Variants in NPAS3 observed in about 807,000 individuals in gnomAD.
The protein encoded by NPAS3 is neuronal PAS domain protein 3, also known as neuronal PAS domain-containing protein 3.
In NPAS3, 14 loss-of-function variants were observed where a neutral mutation model predicts 73.1. That is an observed-to-expected ratio of 0.19 (90% CI 0.13 to 0.30). NPAS3 has a LOEUF of 0.30. Ranked by LOEUF, NPAS3 falls within the 10% of genes least tolerant of loss-of-function variation. NPAS3 has a pLI of 1.00. For missense variants in NPAS3, 1,096 were observed against 1,250.0 expected (o/e 0.88, Z 1.86); for synonymous variants, 620 against 541.5 (o/e 1.14, Z -2.01).
At chr14:33,509,991 T>C (rs1282785786) in intron 4 of NPAS3, among the ~76,000 whole-genome samples, 1 of 151,990 alleles carries the variant, frequency 6.6e-6, no homozygotes, top group African/African-American at 2.4e-5. Context: ...CCTGAACCTA[T>C]GTGCATGCAC....
At chr14:33,011,827 T>C (rs2039208008) in intron 1 of NPAS3, among the ~76,000 whole-genome samples, 1 of 152,200 alleles carries the variant, frequency 6.6e-6, no homozygotes, top group African/African-American at 2.4e-5. Context: ...GCTGTGAGAA[T>C]TGAGATGGGC....
intron 2 of NPAS3, among the ~76,000 whole-genome samples, chr14:33,094,113 A>AT (rs1236108285): frequency 8.5e-6 from 1 of 118,064 alleles, no homozygotes; most frequent in Non-Finnish European, 1.7e-5. Context: ...AACTTAAAGT[A>AT]TAAAAAAAAA....
At chr14:33,301,931 A>C (rs1470802242) in intron 3 of NPAS3, among the ~76,000 whole-genome samples, 1 of 152,210 alleles carries the variant, frequency 6.6e-6, no homozygotes, top group Non-Finnish European at 1.5e-5. Context: ...GAAACAGGCC[A>C]ACAGTAGTTG....
At chr14:33,478,050 GGCAACACTC>G (rs2051129049) in intron 4 of NPAS3, among the ~76,000 whole-genome samples, 1 of 152,130 alleles carries the variant, frequency 6.6e-6, no homozygotes, top group Non-Finnish European at 1.5e-5. Flanking sequence ...TGGGGGAACT[GGCAACACTC>G]GCATGCCCTC....
intron 4 of NPAS3, among the ~76,000 whole-genome samples, chr14:33,472,036 C>A (rs72680181): frequency 0.11 from 16,526 of 152,202 alleles, 1,147 homozygotes; most frequent in East Asian, 0.23. Flanking sequence ...CCCTCTCTGC[C>A]CTCATGGAGC....
chr14:33,603,229 T>C (rs151238495), intron 5 of NPAS3, among the ~76,000 whole-genome samples: 11 of 152,240 alleles, frequency 7.2e-5, no homozygotes, highest in African/African-American at 2.6e-4. Context: ...GGATTAACAG[T>C]GAATTAGACA....
At chr14:33,004,874 C>T (rs143584895) in intron 1 of NPAS3, among the ~76,000 whole-genome samples, 1 of 104,440 alleles carries the variant, frequency 9.6e-6, no homozygotes, top group East Asian at 3.2e-4. Flanking sequence ...AAGACACAAA[C>T]CTTCACATTA....
At chr14:33,585,402 A>G (rs1275109390) in intron 5 of NPAS3, among the ~76,000 whole-genome samples, 1 of 152,224 alleles carries the variant, frequency 6.6e-6, no homozygotes, top group Admixed American at 6.5e-5. Flanking sequence ...TCTGGGTCCC[A>G]TATCCTGCCT....
intron 4 of NPAS3, among the ~76,000 whole-genome samples, chr14:33,497,439 C>G (rs1051175347): frequency 6.6e-6 from 1 of 152,108 alleles, no homozygotes; most frequent in Non-Finnish European, 1.5e-5. Flanking sequence ...TGCTACCTGA[C>G]TTCAAACTAT....
chr14:33,685,288 G>A (rs1334840078), intron 6 of NPAS3, among the ~76,000 whole-genome samples: 1 of 152,168 alleles, frequency 6.6e-6, no homozygotes, highest in Non-Finnish European at 1.5e-5. Context: ...AGCACACACT[G>A]CCGCTGCTAG....
chr14:33,344,080 G>T (rs1225561001), intron 3 of NPAS3, among the ~76,000 whole-genome samples: 1 of 152,144 alleles, frequency 6.6e-6, no homozygotes, highest in Admixed American at 6.5e-5. Context: ...AATATGGGGG[G>T]ATGAAATTAG....
chr14:33,423,664 T>G (rs1287236506), intron 4 of NPAS3, among the ~76,000 whole-genome samples: 1 of 151,960 alleles, frequency 6.6e-6, no homozygotes, highest in African/African-American at 2.4e-5. Flanking sequence ...AGTGAGAGAT[T>G]CATTGGGAAC....
chr14:33,198,011 AGACCT>A (rs2046440872), intron 2 of NPAS3, among the ~76,000 whole-genome samples: 1 of 152,142 alleles, frequency 6.6e-6, no homozygotes, highest in Non-Finnish European at 1.5e-5. Flanking sequence ...GTGAAGCTGC[AGACCT>A]TCACGGTGAG....
chr14:33,084,088 G>A (rs2041946866), intron 2 of NPAS3, among the ~76,000 whole-genome samples: 1 of 152,196 alleles, frequency 6.6e-6, no homozygotes, highest in African/African-American at 2.4e-5. Flanking sequence ...ATATCAAAAA[G>A]AGTGGGGTCT....
intron 4 of NPAS3, among the ~76,000 whole-genome samples, chr14:33,557,346 A>C (rs2055406447): frequency 6.6e-6 from 1 of 152,180 alleles, no homozygotes; most frequent in Non-Finnish European, 1.5e-5. Flanking sequence ...CTGTGGAAGT[A>C]ACTTAAGTAA....
At chr14:33,090,057 A>G (rs1257477882) in intron 2 of NPAS3, among the ~76,000 whole-genome samples, 1 of 152,244 alleles carries the variant, frequency 6.6e-6, no homozygotes, top group Non-Finnish European at 1.5e-5. Flanking sequence ...TCAAAATGTA[A>G]AGACCATCGA....
chr14:33,184,127 T>C (rs1050863677), intron 2 of NPAS3, among the ~76,000 whole-genome samples: 1 of 152,116 alleles, frequency 6.6e-6, no homozygotes, highest in African/African-American at 2.4e-5. Flanking sequence ...AGGAACGAAG[T>C]CAAACACGCA....
At chr14:33,094,853 C>A (rs2042352031) in intron 2 of NPAS3, among the ~76,000 whole-genome samples, 1 of 152,168 alleles carries the variant, frequency 6.6e-6, no homozygotes, top group Non-Finnish European at 1.5e-5. Context: ...ATTTTGAACA[C>A]CTCCAAAACT....
intron 1 of NPAS3, among the ~76,000 whole-genome samples, chr14:32,991,415 C>T (rs1312994132): frequency 6.6e-6 from 1 of 152,108 alleles, no homozygotes; most frequent in Non-Finnish European, 1.5e-5. Context: ...GCTTTCTGTC[C>T]ATTGGCCATA....
Sources: allele counts gnomAD v4.1 joint callset (sites outside exome capture counted in the v4.1 genomes callset), GRCh38; gene constraint gnomAD v4.1.1; transcripts MANE v1.5; gene names NCBI Gene and HGNC (gene_info 2026-07-23, HGNC 2026-07-21).